The following GRM5 variants were observed in gnomAD, a reference collection of about 807,000 sequenced individuals.
GRM5 encodes metabotropic glutamate receptor 5.
Under a neutral mutation model 83.1 loss-of-function variants are expected in GRM5, and 19 were observed. That is an observed-to-expected ratio of 0.23 (90% CI 0.16 to 0.34). The LOEUF (loss-of-function observed/expected upper bound fraction) is 0.34. Among genes scored for constraint, GRM5 ranks in the 10% least tolerant of loss-of-function variants. The probability of loss-of-function intolerance (pLI) is 1.00; values close to 1 mark genes in which losing one functional copy is unlikely to be tolerated. For synonymous variants in GRM5, 675 were observed against 633.6 expected (o/e 1.07, Z -0.98); for missense variants, 1,160 against 1,588.3 (o/e 0.73, Z 4.58).
At chr11:88,891,258 T>TAGTAAAGGCTTATGAA (rs1247462689) in intron 2 of GRM5, among the ~76,000 whole-genome samples, 1 of 152,120 alleles carries the variant, frequency 6.6e-6, no homozygotes, top group Non-Finnish European at 1.5e-5. Context: ...AGGATTTTTA[T>TAGTAAAGGCTTATGAA]GTAATAGTAA....
intron 3 of GRM5, among the ~76,000 whole-genome samples, chr11:88,667,085 A>G (rs1298401332): frequency 6.6e-6 from 1 of 152,180 alleles, no homozygotes; most frequent in Non-Finnish European, 1.5e-5. Flanking sequence ...TAAAAAAGAG[A>G]AATTTAAGAA....
intron 1 of GRM5, among the ~76,000 whole-genome samples, chr11:89,059,830 G>A (rs555435805): frequency 8.2e-4 from 124 of 152,136 alleles, no homozygotes; most frequent in African/African-American, 2.2e-3. Context: ...GTGCAGGTTT[G>A]TTACATATGT....
intron 3 of GRM5, among the ~76,000 whole-genome samples, chr11:88,680,315 A>G (rs1383890099): frequency 1.3e-5 from 2 of 151,640 alleles, no homozygotes; most frequent in African/African-American, 4.9e-5. Context: ...ATTCCCACCT[A>G]TGAGTGAGAA....
intron 3 of GRM5, among the ~76,000 whole-genome samples, chr11:88,752,749 A>T (rs988064517): frequency 6.6e-5 from 10 of 152,210 alleles, no homozygotes; most frequent in African/African-American, 2.4e-4. Context: ...CTACTGGTCC[A>T]AGAACAGACA....
intron 9 of GRM5, among the ~76,000 whole-genome samples, chr11:88,523,255 T>A (rs1404328249): frequency 6.6e-6 from 1 of 152,210 alleles, no homozygotes; most frequent in Admixed American, 6.5e-5. Flanking sequence ...GACAGATTCC[T>A]AAGTTGTATT....
intron 2 of GRM5, among the ~76,000 whole-genome samples, chr11:88,914,352 G>C (rs1486561467): frequency 6.6e-6 from 1 of 152,300 alleles, no homozygotes; most frequent in South Asian, 2.1e-4. Context: ...AGATATAGTA[G>C]TGACCAATCA....
chr11:89,040,758 G>A (rs1941512256), intron 2 of GRM5, among the ~76,000 whole-genome samples: 1 of 151,838 alleles, frequency 6.6e-6, no homozygotes, highest in African/African-American at 2.4e-5. Flanking sequence ...AAGGAGGATA[G>A]GAAGGTAAGA....
In GRM5 at chr11:88,528,940, A is replaced by G. The variant is rs549505606; in HGVS notation, c.2631-3536T>C. ...TTAAAAATCAGGTTTCTCTGATTCT[A>G]AAGCTCATGCTATTTCCATTAATTT... is the stretch of plus-strand genomic sequence containing the variant. On this transcript the variant is annotated intron_variant, in intron 8 of 9. Transcript: ENST00000305447. 2.0e-5 allele frequency among the ~76,000 whole-genome samples: 3 copies of G among 152,212 alleles called. No individual in the cohort carries two copies. The South Asian group carries it at 6.2e-4, about 32-fold the overall frequency.
chr11:89,035,854 G>A (rs779994592), intron 2 of GRM5, among the ~76,000 whole-genome samples: 20 of 151,796 alleles, frequency 1.3e-4, no homozygotes, highest in Non-Finnish European at 2.5e-4. Flanking sequence ...ATTTCCTAGG[G>A]TCCATGTTAT....
chr11:88,890,628 G>A (rs1310293473), intron 2 of GRM5, among the ~76,000 whole-genome samples: 2 of 152,144 alleles, frequency 1.3e-5, no homozygotes, highest in East Asian at 3.9e-4. Context: ...CAAATAGGTG[G>A]TCTAAATCGT....
chr11:89,039,107 T>C (rs1334138485), intron 2 of GRM5, among the ~76,000 whole-genome samples: 2 of 151,598 alleles, frequency 1.3e-5, no homozygotes, highest in Non-Finnish European at 2.9e-5. Context: ...CTACTAAAAA[T>C]ACAAAAAATT....
At chr11:88,627,339 T>C (rs1258348879) in intron 4 of GRM5, among the ~76,000 whole-genome samples, 2 of 145,136 alleles carry the variant, frequency 1.4e-5, no homozygotes, top group African/African-American at 4.9e-5. Context: ...CATTTATTAA[T>C]ATGAGATACA....
intron 8 of GRM5, among the ~76,000 whole-genome samples, chr11:88,552,404 G>T (rs999553417): frequency 2.0e-5 from 3 of 152,126 alleles, no homozygotes; most frequent in Non-Finnish European, 4.4e-5. Context: ...TTAGAAATTT[G>T]TATTAGGAAT....
At chr11:88,525,662 T>C (rs1268289818) in intron 8 of GRM5, among the ~76,000 whole-genome samples, 1 of 152,202 alleles carries the variant, frequency 6.6e-6, no homozygotes, top group African/African-American at 2.4e-5. Context: ...AAACTGAATA[T>C]GTCACATTTA....
intron 2 of GRM5, among the ~76,000 whole-genome samples, chr11:88,856,267 A>G (rs775636775): frequency 4.6e-5 from 7 of 152,114 alleles, no homozygotes; most frequent in Non-Finnish European, 1.0e-4. Context: ...TCCTTATTCT[A>G]TGAGCTTTTT....
At chr11:88,626,395 T>C (rs2135264608) in intron 4 of GRM5, among the ~76,000 whole-genome samples, 1 of 151,378 alleles carries the variant, frequency 6.6e-6, no homozygotes, top group East Asian at 1.9e-4. Flanking sequence ...AGTTTATAAA[T>C]GCACAAACCT....
At chr11:88,884,195 G>T (rs1218214582) in intron 2 of GRM5, among the ~76,000 whole-genome samples, 2 of 152,206 alleles carry the variant, frequency 1.3e-5, no homozygotes, top group Non-Finnish European at 2.9e-5. Flanking sequence ...AGTCACAGGG[G>T]CAGAGTTGCC....
chr11:88,955,781 G>A (rs570512142), intron 2 of GRM5, among the ~76,000 whole-genome samples: 10 of 152,222 alleles, frequency 6.6e-5, no homozygotes, highest in African/African-American at 2.4e-4. Context: ...ACTACAGAAA[G>A]TCTTTTCTCT....
At chr11:88,521,720 A>G (rs188847996) in intron 9 of GRM5, among the ~76,000 whole-genome samples, 4 of 152,308 alleles carry the variant, frequency 2.6e-5, no homozygotes, top group South Asian at 4.1e-4. Flanking sequence ...GAGGTTAAAA[A>G]AAAAGCCTCT....
Sources: gnomAD v4.1 joint callset for allele counts (sites outside exome capture counted in the v4.1 genomes callset) on GRCh38, gnomAD v4.1.1 for gene constraint, MANE v1.5 for transcripts, NCBI Gene and HGNC (gene_info 2026-07-23, HGNC 2026-07-21) for gene names.